SEMA5B: variants seen among roughly 807,000 people sequenced by gnomAD.
SEMA5B encodes the protein semaphorin 5B, also known as semaphorin-5B.
Under a neutral mutation model 135.0 loss-of-function variants are expected in SEMA5B, and 66 were observed. The ratio of observed to expected loss-of-function variants is 0.49; its 90% CI spans 0.40 to 0.60. SEMA5B has a LOEUF of 0.60. Ranked by LOEUF, SEMA5B falls within the 20% of genes least tolerant of loss-of-function variation. The pLI, the probability that SEMA5B is intolerant of heterozygous loss-of-function variation, is 0.00. For synonymous variants in SEMA5B, 690 were observed against 639.5 expected, an observed-to-expected ratio of 1.08 and a Z score of -1.19; for missense variants, 1,501 against 1,566.3, an observed-to-expected ratio of 0.96 and a Z score of 0.70.
rs1937903424 is a variant in SEMA5B at position 122,913,681 on chromosome 3, C to A, written c.2133G>T (p.Arg711=). ...GGCAAGGCGTGTTCTCATTACAGAA[C>A]CTGGGGTCGGGGGAGAGGCGTCAAT... is the stretch of plus-strand genomic sequence containing the variant. The part of the protein sequence containing the change: ...RICVGKSREE[R]FCNENTPCPV... The change falls in exon 16 of 23, where the codon CGG becomes CGT. Residue 711 remains arginine, a splice_region_variant and synonymous_variant. Transcript: ENST00000357599. The A allele has an allele frequency of 1.9e-6, 3 of 1,613,440 alleles. No individual in the cohort carries two copies. The highest frequency in any genetic ancestry group is 4.5e-5 in the East Asian group (2 of 44,872).
At chr3:122,960,145 G>C (rs182075551) in intron 2 of SEMA5B, among the ~76,000 whole-genome samples, 13 of 152,272 alleles carry the variant, frequency 8.5e-5, no homozygotes, top group Admixed American at 7.2e-4. Context: ...CTAAAGGCCT[G>C]GATTTTCTTG....
rs755014211 is a variant in SEMA5B at position 122,910,149 on chromosome 3, G to A, written c.3450C>T (p.Asn1150=). 2 of 1,614,100 alleles carry A rather than the reference G, an allele frequency of 1.2e-6. No individual in the cohort carries two copies. Among genetic ancestry groups the A allele is most frequent in the Admixed American group, 1.7e-5 (1 of 60,030 alleles). ...EASPGQRCFP[N]S ...AGTCCCCAGGACGGCGGTATCAGCT[G>A]TTGGGGAAGCACCGTTGTCCAGGTG... Residue 1150 remains asparagine (N), a synonymous_variant, in exon 23 of 23, where the codon AAC becomes AAT. Coordinates refer to ENST00000357599, the MANE Select transcript of SEMA5B (RefSeq NM_001031702.4).
chr3:122,948,278 T>C (rs1939878664), intron 3 of SEMA5B, among the ~76,000 whole-genome samples: 2 of 152,182 alleles, frequency 1.3e-5, no homozygotes, highest in South Asian at 4.1e-4. Flanking sequence ...ATGAAGGGCC[T>C]GAATAAATTA....
intron 4 of SEMA5B, among the ~76,000 whole-genome samples, chr3:122,941,727 T>C (rs1939573423): frequency 6.6e-6 from 1 of 152,252 alleles, no homozygotes; most frequent in African/African-American, 2.4e-5. Flanking sequence ...TTTGGGTTTG[T>C]TGAAGTACAC....
chr3:123,008,719 G>C (rs1465497597), intron 1 of SEMA5B, among the ~76,000 whole-genome samples: 1 of 152,212 alleles, frequency 6.6e-6, no homozygotes, highest in African/African-American at 2.4e-5. Flanking sequence ...CCAGGAGCCA[G>C]CTGAGTTAGG....
At chr3:122,934,151 C>T (rs180944650) in intron 5 of SEMA5B, among the ~76,000 whole-genome samples, 8 of 151,330 alleles carry the variant, frequency 5.3e-5, no homozygotes, top group African/African-American at 1.9e-4. Flanking sequence ...AGGTGATCCA[C>T]CCGCCTCGGC....
intron 1 of SEMA5B, among the ~76,000 whole-genome samples, chr3:122,971,034 C>T (rs1941092471): frequency 6.6e-6 from 1 of 152,164 alleles, no homozygotes; most frequent in South Asian, 2.1e-4. Flanking sequence ...AGGGAATGAT[C>T]AATAAAGACC....
chr3:122,981,150 C>T (rs1207913914), intron 1 of SEMA5B, among the ~76,000 whole-genome samples: 1 of 152,284 alleles, frequency 6.6e-6, no homozygotes, highest in African/African-American at 2.4e-5. Flanking sequence ...TGTGCACCCC[C>T]TCTGAGTGCC....
At chr3:122,976,095 A>G (rs754834430) in intron 1 of SEMA5B, 26 of 1,535,234 alleles carry the variant, frequency 1.7e-5, no homozygotes, top group Non-Finnish European at 2.2e-5. Flanking sequence ...CACGCAGCCA[A>G]TGGCTTCCTC....
At chr3:122,927,630 T>C (rs1436038621) in intron 8 of SEMA5B, among the ~76,000 whole-genome samples, 160 bp downstream of exon 8, 1 of 152,194 alleles carries the variant, frequency 6.6e-6, no homozygotes, top group African/African-American at 2.4e-5. Flanking sequence ...ATCTCTAGCA[T>C]GCTCTGGTCT....
chr3:122,992,546 TCTC>T (rs916371137), intron 1 of SEMA5B, among the ~76,000 whole-genome samples: 39 of 151,980 alleles, frequency 2.6e-4, no homozygotes, highest in African/African-American at 8.5e-4. Context: ...AGGAGAAACT[TCTC>T]CTTCCAGGGT....
intron 9 of SEMA5B, among the ~76,000 whole-genome samples, chr3:122,924,839 C>T (rs1379590997): frequency 6.6e-6 from 1 of 152,166 alleles, no homozygotes; most frequent in Non-Finnish European, 1.5e-5. Context: ...ATCACCACTC[C>T]TCTATACTGT....
chr3:122,981,026 T>G (rs1197633495), intron 1 of SEMA5B, among the ~76,000 whole-genome samples: 1 of 152,260 alleles, frequency 6.6e-6, no homozygotes, highest in African/African-American at 2.4e-5. Context: ...AGGTAGCACT[T>G]CGGGGACATG....
chr3:123,020,035 A>G (rs1189521956), intron 1 of SEMA5B, among the ~76,000 whole-genome samples: 2 of 152,238 alleles, frequency 1.3e-5, no homozygotes, highest in Non-Finnish European at 1.5e-5. Context: ...TCAGTCAAAA[A>G]CGGTCTAAAT....
intron 7 of SEMA5B, 104 bp from the exon 8 acceptor site, chr3:122,928,107 C>CCTG: frequency 1.4e-6 from 1 of 734,102 alleles, no homozygotes; most frequent in East Asian, 3.1e-5. Flanking sequence ...CTCTCTGGGC[C>CCTG]TCTCCCCTCC....
rs190672293 is a variant in SEMA5B at position 122,979,628 on chromosome 3, C to T, written c.-38-18327G>A. 3.3e-5 allele frequency among the ~76,000 whole-genome samples: 5 copies of T among 152,332 alleles called. No individual in the cohort carries two copies. The East Asian group carries it at 9.6e-4, about 29-fold the overall frequency. On this transcript the variant is annotated intron_variant, in intron 1 of 22. Transcript: ENST00000357599. ...ATTCACAATTGGGATGTCCCCCCATCACTTTTTCCTTTCTGTCCTGGGATC... is the reference window on the plus strand; with the variant it reads ...ATTCACAATTGGGATGTCCCCCCATTACTTTTTCCTTTCTGTCCTGGGATC...
chr3:122,995,128 A>C (rs1338671584), intron 1 of SEMA5B, among the ~76,000 whole-genome samples: 1 of 152,206 alleles, frequency 6.6e-6, no homozygotes, highest in Non-Finnish European at 1.5e-5. Context: ...GCCAAGCTGG[A>C]AACCAGGACC....
At position 122,983,587 on chromosome 3, in the gene SEMA5B, T is replaced by G. The variant is rs1031453743; in HGVS notation, c.-38-22286A>C. Among the ~76,000 whole-genome samples the G allele has an allele frequency of 2.1e-4, 32 of 151,632 alleles. No homozygotes were observed. In the East Asian group the frequency reaches 5.4e-3, roughly 26 times the overall value. ...TGACTTGGGTGATGATGTAAAGAGCTGGCGCCTGTAGTCCCAGCTACTCGG... is the reference window on the plus strand; with the variant it reads ...TGACTTGGGTGATGATGTAAAGAGCGGGCGCCTGTAGTCCCAGCTACTCGG... On this transcript the variant is annotated intron_variant, in intron 1 of 22. Transcript: ENST00000357599.
chr3:122,960,923 T>C (rs537973844), intron 2 of SEMA5B, among the ~76,000 whole-genome samples: 2 of 152,320 alleles, frequency 1.3e-5, no homozygotes, highest in South Asian at 2.1e-4. Context: ...TGAGTGTACC[T>C]GATACTACTG....
Sources: allele counts gnomAD v4.1 joint callset (sites outside exome capture counted in the v4.1 genomes callset), GRCh38; gene constraint gnomAD v4.1.1; transcripts MANE v1.5; gene names NCBI Gene and HGNC (gene_info 2026-07-23, HGNC 2026-07-21).